The following UPP2 variants were observed in gnomAD, a reference collection of about 807,000 sequenced individuals.
UPP2 encodes UPase 2.
In UPP2, 23 loss-of-function variants were observed where a neutral mutation model predicts 26.7. The observed-to-expected ratio is 0.86, with a 90% CI of 0.62 to 1.22. The LOEUF (loss-of-function observed/expected upper bound fraction) is 1.22, where lower values mean the gene tolerates loss of function less well. UPP2 is among the 50% of genes most tolerant of loss of function. The probability of loss-of-function intolerance (pLI) is 0.00; values close to 1 mark genes in which losing one functional copy is unlikely to be tolerated. For synonymous variants in UPP2, 127 were observed against 141.3 expected, an observed-to-expected ratio of 0.90 and a Z score of 0.72; for missense variants, 387 against 396.7, an observed-to-expected ratio of 0.98 and a Z score of 0.21.
intron 3 of UPP2, among the ~76,000 whole-genome samples, chr2:158,062,270 A>C (rs1682364137): frequency 1.3e-5 from 2 of 152,358 alleles, no homozygotes; most frequent in African/African-American, 4.8e-5. Context: ...TAATGCAGCT[A>C]AGAAAACACA....
intron 2 of UPP2, among the ~76,000 whole-genome samples, chr2:158,106,546 C>T (rs114433155): frequency 0.023 from 3,568 of 152,220 alleles, 112 homozygotes; most frequent in African/African-American, 0.073. Flanking sequence ...TTAGCATCTA[C>T]ATTTATAGCT....
intron 2 of UPP2, among the ~76,000 whole-genome samples, chr2:157,998,197 T>C (rs1683351616): frequency 6.6e-6 from 1 of 152,116 alleles, no homozygotes; most frequent in African/African-American, 2.4e-5. Flanking sequence ...GGGGATGCCA[T>C]GCCAGAGCTT....
intron 3 of UPP2, among the ~76,000 whole-genome samples, chr2:158,042,453 T>C (rs1309656066): frequency 6.6e-6 from 1 of 152,138 alleles, no homozygotes; most frequent in Non-Finnish European, 1.5e-5. Flanking sequence ...CACCTTCCCA[T>C]CCTGTTGGAT....
At chr2:158,061,621 C>T (rs1228275998) in intron 3 of UPP2, among the ~76,000 whole-genome samples, 3 of 152,130 alleles carry the variant, frequency 2.0e-5, no homozygotes, top group South Asian at 2.1e-4. Flanking sequence ...GCACAGGGGG[C>T]GGGGCCACCT....
intron 3 of UPP2, among the ~76,000 whole-genome samples, chr2:158,055,327 C>A (rs1682230187): frequency 6.6e-6 from 1 of 152,138 alleles, no homozygotes; most frequent in South Asian, 2.1e-4. Context: ...ATGGATTATT[C>A]CATTCATAAG....
At chr2:158,090,078 T>C (rs1423925501) in intron 3 of UPP2, among the ~76,000 whole-genome samples, 1 of 152,184 alleles carries the variant, frequency 6.6e-6, no homozygotes, top group African/African-American at 2.4e-5. Context: ...TCAACAATCA[T>C]TTATTATATA....
intron 3 of UPP2, among the ~76,000 whole-genome samples, chr2:158,060,163 A>G (rs1184598617): frequency 6.6e-6 from 1 of 151,968 alleles, no homozygotes; most frequent in African/African-American, 2.4e-5. Flanking sequence ...GTTGTAGATC[A>G]TGGTGATTAG....
chr2:158,063,761 G>C (rs544603069), intron 3 of UPP2, among the ~76,000 whole-genome samples: 1 of 152,028 alleles, frequency 6.6e-6, no homozygotes, highest in Non-Finnish European at 1.5e-5. Flanking sequence ...TCCACCCCCC[G>C]ACAGGTCTTG....
intron 3 of UPP2, among the ~76,000 whole-genome samples, chr2:158,038,765 A>C (rs1684040955): frequency 6.6e-6 from 1 of 152,204 alleles, no homozygotes; most frequent in Non-Finnish European, 1.5e-5. Context: ...TGTGGGCATT[A>C]GAACTCTATT....
At position 158,135,489 on chromosome 2, in the gene UPP2, C is replaced by G. The variant is rs1278676772; in HGVS notation, c.*599C>G. ...GATTTTATCTCAGAATATAACAACT[C>G]TGGATTACATTTTCCTCTCAACTGA... is the stretch of plus-strand genomic sequence containing the variant. On this transcript the variant is annotated 3_prime_UTR_variant, in exon 7 of 7. Coordinates refer to ENST00000005756, the MANE Select transcript of UPP2 (RefSeq NM_173355.4). 4 of 152,188 alleles carry G rather than the reference C, an allele frequency of 2.6e-5. No individual in the cohort carries two copies. The highest frequency in any genetic ancestry group is 4.4e-5 in the Non-Finnish European group (3 of 68,046). The allele number at this position is 152,188 out of a possible 1,614,324, so 9.4% of individuals were successfully genotyped here. A position where few individuals can be genotyped will look rare whatever the true frequency, so the allele number is the denominator to read the frequency against.
chr2:158,038,677 C>T (rs1055175904), intron 3 of UPP2, among the ~76,000 whole-genome samples: 3 of 152,184 alleles, frequency 2.0e-5, no homozygotes, highest in African/African-American at 7.2e-5. Context: ...GGCTAATGCC[C>T]ATTTGTAAAA....
chr2:158,044,288 C>A (rs1684120756), intron 3 of UPP2, among the ~76,000 whole-genome samples: 1 of 152,104 alleles, frequency 6.6e-6, no homozygotes, highest in Admixed American at 6.5e-5. Flanking sequence ...AGAGTACAGG[C>A]AAGTTGACCA....
chr2:158,092,737 T>C (rs1284861421), intron 3 of UPP2, among the ~76,000 whole-genome samples: 11 of 152,194 alleles, frequency 7.2e-5, no homozygotes, highest in African/African-American at 2.7e-4. Context: ...TAAGTTACTT[T>C]ATACCAAAAT....
chr2:158,131,928 C>T (rs1231556069), intron 6 of UPP2, among the ~76,000 whole-genome samples: 7 of 152,136 alleles, frequency 4.6e-5, no homozygotes, highest in African/African-American at 1.7e-4. Context: ...CTTTGGCATT[C>T]CCCTTGAAAT....
At chr2:158,113,140 G>A (rs1419124826) in intron 2 of UPP2, among the ~76,000 whole-genome samples, 1 of 152,166 alleles carries the variant, frequency 6.6e-6, no homozygotes, top group East Asian at 1.9e-4. Flanking sequence ...TGATCTTTAT[G>A]TCTCCAGAAA....
intron 2 of UPP2, among the ~76,000 whole-genome samples, chr2:158,108,609 ACACACACACATACG>A (rs1430278689): frequency 6.6e-6 from 1 of 151,740 alleles, no homozygotes; most frequent in South Asian, 2.1e-4. Flanking sequence ...ACACACAGAC[ACACACACACATACG>A]CACACACACA....
intron 3 of UPP2, among the ~76,000 whole-genome samples, chr2:158,096,472 G>A (rs566968456): frequency 6.6e-6 from 1 of 152,238 alleles, no homozygotes; most frequent in South Asian, 2.1e-4. Context: ...GGTGGCACAG[G>A]CCTGTAATCC....
chr2:158,091,495 T>G (rs754864829), intron 3 of UPP2, among the ~76,000 whole-genome samples: 33 of 152,234 alleles, frequency 2.2e-4, no homozygotes, highest in Admixed American at 7.2e-4. Flanking sequence ...TTAGCTTACC[T>G]ACAAATGAAA....
intron 3 of UPP2, among the ~76,000 whole-genome samples, chr2:158,075,404 T>A: frequency 6.6e-6 from 1 of 151,990 alleles, no homozygotes; most frequent in Non-Finnish European, 1.5e-5. Context: ...ATTTTTCTCC[T>A]CAGCATATCG....
Sources: gnomAD v4.1 joint callset for allele counts (sites outside exome capture counted in the v4.1 genomes callset) on GRCh38, gnomAD v4.1.1 for gene constraint, MANE v1.5 for transcripts, NCBI Gene and HGNC (gene_info 2026-07-23, HGNC 2026-07-21) for gene names.